ZMIZ1: variants seen among roughly 807,000 people sequenced by gnomAD.
ZMIZ1 encodes zinc finger MIZ-type containing 1, also known as zinc finger MIZ domain-containing protein 1.
In ZMIZ1, 17 loss-of-function variants were observed where a neutral mutation model predicts 113.9. That is an observed-to-expected ratio of 0.15 (90% CI 0.10 to 0.22). The LOEUF is 0.22. ZMIZ1 is among the 10% of genes least tolerant of loss of function. The probability of loss-of-function intolerance (pLI) is 1.00; values close to 1 mark genes in which losing one functional copy is unlikely to be tolerated. For synonymous variants in ZMIZ1, 607 were observed against 603.1 expected (o/e 1.01, Z -0.09); for missense variants, 1,059 against 1,477.8 (o/e 0.72, Z 4.65).
chr10:79,270,515 A>G (rs2131945026), intron 7 of ZMIZ1, among the ~76,000 whole-genome samples: 1 of 152,298 alleles, frequency 6.6e-6, no homozygotes, highest in East Asian at 1.9e-4. Context: ...ACATGCCACT[A>G]AGAAGGAAGA....
chr10:79,143,326 TC>T (rs1845350890), intron 3 of ZMIZ1, among the ~76,000 whole-genome samples: 2 of 151,900 alleles, frequency 1.3e-5, no homozygotes, highest in South Asian at 2.1e-4. Flanking sequence ...AGGAGAGGGC[TC>T]CCCGAGACTC....
rs966576810 is a variant in ZMIZ1 at position 79,080,028 on chromosome 10, T to C, written c.-337+10758T>C. 2.0e-5 allele frequency among the ~76,000 whole-genome samples: 3 copies of C among 152,292 alleles called. No homozygotes were observed. In the East Asian group the frequency reaches 5.8e-4, roughly 29 times the overall value. ...GGTTAGGAGTCCTTAGCTGGGGTTGTTGTGCTGTTGGTGGGGAGAGGCAGC... is the reference window on the plus strand; with the variant it reads ...GGTTAGGAGTCCTTAGCTGGGGTTGCTGTGCTGTTGGTGGGGAGAGGCAGC... On this transcript the variant is annotated intron_variant, in intron 1 of 24. Coordinates refer to ENST00000334512, the MANE Select transcript of ZMIZ1 (RefSeq NM_020338.4).
intron 6 of ZMIZ1, among the ~76,000 whole-genome samples, chr10:79,212,053 A>G (rs2802362): frequency 0.49 from 73,785 of 152,018 alleles, 18,339 homozygotes; most frequent in African/African-American, 0.57. Flanking sequence ...CTGTTTTGTG[A>G]CCAGCAGGCT....
intron 1 of ZMIZ1, among the ~76,000 whole-genome samples, chr10:79,113,863 G>A (rs1843865493): frequency 6.6e-6 from 1 of 152,118 alleles, no homozygotes. Flanking sequence ...CTGTGTAGGT[G>A]CCTTGAGGCT....
chr10:79,201,500 T>G, intron 4 of ZMIZ1, 84 bp from the exon 5 acceptor site: 1 of 994,906 alleles, frequency 1.0e-6, no homozygotes, highest in Non-Finnish European at 1.5e-6. Flanking sequence ...CCTGCCAGTG[T>G]TGTGGCCAGA....
rs1853899563 is a variant in ZMIZ1, at chr10:79,296,489, C to A, written c.1249C>A (p.Gln417Lys). 3 of 1,614,012 alleles carry A rather than the reference C, an allele frequency of 1.9e-6. No homozygotes were observed. The highest frequency in any genetic ancestry group is 8.5e-7 in the Non-Finnish European group (1 of 1,179,982). The change falls in exon 13 of 25, where the codon CAA (glutamine) becomes AAA (lysine). Residue 417 changes from glutamine to lysine, a missense_variant. Coordinates refer to ENST00000334512, the MANE Select transcript of ZMIZ1 (RefSeq NM_020338.4). This position sits in a 1 kb window ranked among gnomAD's most constrained non-coding sequence, Gnocchi z 4.1. ...ACCACAGCCCAACTATGGAAACCAG[C>A]AATATGGACCAAACAGCCAGTTCCC... ...YPGEPNYGNQQYGPNSQFPTQ... is the reference protein window; with the variant it reads ...YPGEPNYGNQKYGPNSQFPTQ...
intron 4 of ZMIZ1, among the ~76,000 whole-genome samples, chr10:79,185,242 C>G (rs1008729604): frequency 5.3e-5 from 8 of 152,054 alleles, no homozygotes; most frequent in African/African-American, 1.7e-4. Flanking sequence ...AGACGCCCCC[C>G]TCCCCCCGAA....
At chr10:79,160,253 A>G (rs975969124) in intron 3 of ZMIZ1, among the ~76,000 whole-genome samples, 1 of 152,184 alleles carries the variant, frequency 6.6e-6, no homozygotes, top group Non-Finnish European at 1.5e-5. Flanking sequence ...TGTATTTCCA[A>G]GGTAAGCAGA....
intron 7 of ZMIZ1, among the ~76,000 whole-genome samples, chr10:79,229,035 G>A (rs1414227230): frequency 6.6e-6 from 1 of 152,216 alleles, no homozygotes; most frequent in Admixed American, 6.5e-5. Context: ...TACTTGCTAT[G>A]TGACTGTATG....
chr10:79,170,677 G>A (rs773054388), intron 4 of ZMIZ1, among the ~76,000 whole-genome samples: 4 of 152,202 alleles, frequency 2.6e-5, no homozygotes, highest in African/African-American at 4.8e-5. Flanking sequence ...AGCCTTAATA[G>A]TTAATACACA....
chr10:79,136,481 A>G (rs1196957267), intron 2 of ZMIZ1, among the ~76,000 whole-genome samples: 1 of 152,226 alleles, frequency 6.6e-6, no homozygotes, highest in Non-Finnish European at 1.5e-5. Flanking sequence ...GAATTATTTC[A>G]TCAGAAGGGG....
intron 2 of ZMIZ1, among the ~76,000 whole-genome samples, chr10:79,127,488 C>T (rs78448414): frequency 1.3e-3 from 202 of 152,208 alleles, no homozygotes; most frequent in African/African-American, 4.6e-3. Flanking sequence ...AGCAGCCACC[C>T]CACAGCAGGG....
chr10:79,311,758 C>CT (rs1319730040), intron 24 of ZMIZ1, among the ~76,000 whole-genome samples: 1 of 152,120 alleles, frequency 6.6e-6, no homozygotes, highest in African/African-American at 2.4e-5. Context: ...GGTGCCAGGG[C>CT]TCCTACCCTG....
chr10:79,310,906 C>G lies in ZMIZ1; in HGVS notation c.2836-18C>G. ...CTCACCTCACCTCTCTTCTCTCCCGCTCTCTCCTCCTCCACAGATGCCACA... is the reference window on the plus strand; with the variant it reads ...CTCACCTCACCTCTCTTCTCTCCCGGTCTCTCCTCCTCCACAGATGCCACA... On this transcript the variant is annotated intron_variant, in intron 23 of 24. Transcript: ENST00000334512. The G allele has an allele frequency of 6.2e-7, 1 of 1,608,558 alleles. No individual in the cohort carries two copies. The highest frequency in any genetic ancestry group is 8.5e-7 in the Non-Finnish European group (1 of 1,176,160).
intron 4 of ZMIZ1, among the ~76,000 whole-genome samples, chr10:79,179,548 G>A (rs562072163): frequency 6.6e-6 from 1 of 152,370 alleles, no homozygotes; most frequent in Non-Finnish European, 1.5e-5. Flanking sequence ...CCAGCCACAT[G>A]CCCACTGTGG....
rs1346123522 is a variant in ZMIZ1 at position 79,223,444 on chromosome 10, G to A, written c.280+7170G>A. 4.6e-5 allele frequency among the ~76,000 whole-genome samples: 7 copies of A among 152,364 alleles called. No homozygotes were observed. The East Asian group carries it at 7.7e-4, about 17-fold the overall frequency. ...CAAGCTCAGCAAAGCTGGGATGTTG[G>A]GGAGGGGTTTGGCTTCCTTCCTCCT... On this transcript the variant is annotated intron_variant, in intron 7 of 24. Transcript: ENST00000334512.
intron 1 of ZMIZ1, among the ~76,000 whole-genome samples, chr10:79,112,681 A>G (rs907386707): frequency 2.0e-5 from 3 of 152,208 alleles, no homozygotes; most frequent in Non-Finnish European, 4.4e-5. Context: ...CTGATTGCAC[A>G]TATATCCCAC....
chr10:79,098,232 A>T (rs1181180192), intron 1 of ZMIZ1, among the ~76,000 whole-genome samples: 2 of 152,366 alleles, frequency 1.3e-5, no homozygotes, highest in Admixed American at 1.3e-4. Context: ...GCCCTGAAGC[A>T]TGATGAATCC....
chr10:79,081,729 C>T (rs1350003445), intron 1 of ZMIZ1, among the ~76,000 whole-genome samples: 1 of 152,220 alleles, frequency 6.6e-6, no homozygotes, highest in African/African-American at 2.4e-5. Context: ...GACCTGGGCT[C>T]TGTGCAAGGA....
Sources: allele counts gnomAD v4.1 joint callset (sites outside exome capture counted in the v4.1 genomes callset), GRCh38; gene constraint gnomAD v4.1.1; non-coding constraint Gnocchi (gnomAD v3.1); transcripts MANE v1.5; gene names NCBI Gene and HGNC (gene_info 2026-07-23, HGNC 2026-07-21).